CPNE4: variants seen among roughly 807,000 people sequenced by gnomAD.
CPNE4 encodes the protein copine-4.
CPNE4 carries 25 observed loss-of-function variants against 67.9 expected under a neutral mutation model. The observed-to-expected ratio is 0.37, with a 90% CI of 0.27 to 0.51. CPNE4 has a LOEUF of 0.51. Among genes scored for constraint, CPNE4 ranks in the 20% least tolerant of loss-of-function variants. The pLI, the probability that CPNE4 is intolerant of heterozygous loss-of-function variation, is 0.93. For synonymous variants in CPNE4, 242 were observed against 244.9 expected (o/e 0.99, Z 0.11); for missense variants, 464 against 690.8 (o/e 0.67, Z 3.68).
chr3:131,726,838 T>C (rs2082012733), intron 2 of CPNE4, among the ~76,000 whole-genome samples: 1 of 152,174 alleles, frequency 6.6e-6, no homozygotes, highest in Non-Finnish European at 1.5e-5. Context: ...TAGAGAATTC[T>C]GGTGTGGGAA....
At chr3:131,697,851 T>G (rs929501982) in intron 4 of CPNE4, among the ~76,000 whole-genome samples, 7 of 152,122 alleles carry the variant, frequency 4.6e-5, no homozygotes, top group African/African-American at 1.7e-4. Flanking sequence ...CCTAGAAAAT[T>G]TCATGCACCT....
At position 131,972,663 on chromosome 3, in the gene CPNE4, A is replaced by C. The variant is rs552718433; in HGVS notation, c.-2+61904T>G. Reference sequence around the variant, plus strand: ...GTTGAAGACACAAAGGGAGAAGGCCATATGGTACAGAGCTCTAAATGGCTC... The same window carrying C: ...GTTGAAGACACAAAGGGAGAAGGCCCTATGGTACAGAGCTCTAAATGGCTC... On this transcript the variant is annotated intron_variant, in intron 1 of 15. Transcript: ENST00000429747. Among the ~76,000 whole-genome samples the C allele has an allele frequency of 1.9e-4, 29 of 152,302 alleles. No homozygotes were observed. The South Asian group carries it at 5.8e-3, about 31-fold the overall frequency.
intron 2 of CPNE4, among the ~76,000 whole-genome samples, chr3:131,747,042 A>G (rs1024055713): frequency 6.6e-6 from 1 of 150,826 alleles, no homozygotes; most frequent in Non-Finnish European, 1.5e-5. Context: ...ATATTTTTTC[A>G]TATATCTGTT....
At chr3:131,950,455 T>C (rs866095492) in intron 1 of CPNE4, among the ~76,000 whole-genome samples, 1 of 152,114 alleles carries the variant, frequency 6.6e-6, no homozygotes, top group African/African-American at 2.4e-5. Flanking sequence ...CAAACACAGA[T>C]AGGAAGCTTG....
intron 2 of CPNE4, among the ~76,000 whole-genome samples, chr3:131,732,538 C>A (rs1196292905): frequency 2.6e-5 from 4 of 152,152 alleles, no homozygotes; most frequent in African/African-American, 9.7e-5. Context: ...TGTCTACAGG[C>A]CCTCCTAGCC....
At chr3:131,600,299 G>C (rs541363224) in intron 7 of CPNE4, among the ~76,000 whole-genome samples, 7 of 152,188 alleles carry the variant, frequency 4.6e-5, no homozygotes, top group South Asian at 2.1e-4. Flanking sequence ...TAGCCTCAAG[G>C]GTAGTACAAA....
intron 1 of CPNE4, among the ~76,000 whole-genome samples, chr3:132,026,776 G>A (rs1191294986): frequency 6.6e-6 from 1 of 152,066 alleles, no homozygotes; most frequent in Non-Finnish European, 1.5e-5. Context: ...TGGGAAAGTA[G>A]GAAAAAAACA....
At chr3:131,544,547 A>G (rs1041777037) in intron 14 of CPNE4, among the ~76,000 whole-genome samples, 2 of 152,120 alleles carry the variant, frequency 1.3e-5, no homozygotes, top group East Asian at 3.9e-4. Flanking sequence ...TTCAAGTTGT[A>G]TGTTTCCTTC....
chr3:131,881,668 G>T (rs1475859201), intron 2 of CPNE4, among the ~76,000 whole-genome samples: 4 of 151,768 alleles, frequency 2.6e-5, no homozygotes, highest in Non-Finnish European at 5.9e-5. Context: ...ATTATATTTT[G>T]TTGTTATTCT....
intron 2 of CPNE4, among the ~76,000 whole-genome samples, chr3:131,751,084 G>T (rs1054770358): frequency 1.3e-5 from 2 of 151,660 alleles, no homozygotes; most frequent in African/African-American, 4.8e-5. Context: ...TTTTTTCTTT[G>T]TCCTTAGTTT....
chr3:131,743,798 C>A (rs2082409344), intron 2 of CPNE4, among the ~76,000 whole-genome samples: 1 of 151,314 alleles, frequency 6.6e-6, no homozygotes. Flanking sequence ...CCCGTCTCTA[C>A]TAAAAATACA....
chr3:131,854,257 G>C (rs1453104244), intron 2 of CPNE4, among the ~76,000 whole-genome samples: 1 of 151,872 alleles, frequency 6.6e-6, no homozygotes, highest in African/African-American at 2.4e-5. Context: ...AATGTTGAGA[G>C]AGAGAGTGGC....
At chr3:131,610,307 T>C (rs1028631186) in intron 7 of CPNE4, among the ~76,000 whole-genome samples, 3 of 152,224 alleles carry the variant, frequency 2.0e-5, no homozygotes, top group African/African-American at 7.2e-5. Context: ...TTCAGGGTGC[T>C]ACAGGAACCC....
intron 7 of CPNE4, among the ~76,000 whole-genome samples, chr3:131,604,956 C>T (rs1939414951): frequency 6.6e-6 from 1 of 152,068 alleles, no homozygotes; most frequent in African/African-American, 2.4e-5. Context: ...CTATTTGCTG[C>T]TAATACAGAC....
chr3:131,546,130 A>T (rs187246487), intron 14 of CPNE4, among the ~76,000 whole-genome samples: 1 of 152,168 alleles, frequency 6.6e-6, no homozygotes, highest in Non-Finnish European at 1.5e-5. Context: ...TATGAACTTT[A>T]TCAGCTGCTA....
chr3:131,750,066 A>G (rs1034685898), intron 2 of CPNE4, among the ~76,000 whole-genome samples: 7 of 152,170 alleles, frequency 4.6e-5, no homozygotes, highest in African/African-American at 1.7e-4. Context: ...CACCAGTCTC[A>G]TCATGGGGCC....
At chr3:131,653,751 T>C (rs570402793) in intron 7 of CPNE4, among the ~76,000 whole-genome samples, 1 of 152,336 alleles carries the variant, frequency 6.6e-6, no homozygotes, top group Admixed American at 6.5e-5. Context: ...TCTTTGCACA[T>C]GCGTTCAAGT....
At chr3:131,658,804 T>G (rs1405608316) in intron 7 of CPNE4, among the ~76,000 whole-genome samples, 3 of 152,220 alleles carry the variant, frequency 2.0e-5, no homozygotes, top group Non-Finnish European at 4.4e-5. Context: ...ACAGGTCTCT[T>G]CATGTTTTAT....
intron 13 of CPNE4, among the ~76,000 whole-genome samples, chr3:131,551,384 G>C (rs1936162944): frequency 6.6e-6 from 1 of 152,078 alleles, no homozygotes; most frequent in South Asian, 2.1e-4. Flanking sequence ...AGATAAGCAA[G>C]TTTGATTTCC....
Sources: gnomAD v4.1 joint callset for allele counts (sites outside exome capture counted in the v4.1 genomes callset) on GRCh38, gnomAD v4.1.1 for gene constraint, MANE v1.5 for transcripts, NCBI Gene and HGNC (gene_info 2026-07-23, HGNC 2026-07-21) for gene names.